RUNDC3B: variants seen among roughly 807,000 people sequenced by gnomAD.
RUNDC3B encodes the protein RUN domain containing 3B.
In RUNDC3B, 33 loss-of-function variants were observed where a neutral mutation model predicts 58.4. The observed-to-expected ratio is 0.56, with a 90% CI of 0.43 to 0.75. The LOEUF (loss-of-function observed/expected upper bound fraction) is 0.75. RUNDC3B is among the 30% of genes least tolerant of loss of function. The pLI is 0.00. For missense variants in RUNDC3B, 501 were observed against 535.7 expected, an observed-to-expected ratio of 0.94 and a Z score of 0.64; for synonymous variants, 193 against 195.2, an observed-to-expected ratio of 0.99 and a Z score of 0.10.
chr7:87,667,785 G>A (rs1563117245), intron 2 of RUNDC3B, among the ~76,000 whole-genome samples: 1 of 152,144 alleles, frequency 6.6e-6, no homozygotes, highest in East Asian at 1.9e-4. Flanking sequence ...GATGAATCAT[G>A]TTTATTGATT....
intron 2 of RUNDC3B, among the ~76,000 whole-genome samples, chr7:87,689,715 T>C (rs1410541686): frequency 6.6e-6 from 1 of 152,144 alleles, no homozygotes; most frequent in African/African-American, 2.4e-5. Context: ...TTCCTACATC[T>C]TTCTGATGTT....
intron 6 of RUNDC3B, among the ~76,000 whole-genome samples, chr7:87,761,059 A>G (rs1323280872): frequency 6.6e-6 from 1 of 151,982 alleles, no homozygotes; most frequent in Non-Finnish European, 1.5e-5. Flanking sequence ...CTGGGAGAAA[A>G]TTTTTGCAAA....
At chr7:87,789,206 T>C (rs1835396687) in intron 8 of RUNDC3B, among the ~76,000 whole-genome samples, 1 of 152,250 alleles carries the variant, frequency 6.6e-6, no homozygotes, top group African/African-American at 2.4e-5. Flanking sequence ...AATTGTTTTC[T>C]ATTTTGTTTT....
At chr7:87,712,721 G>A (rs1375935623) in intron 4 of RUNDC3B, among the ~76,000 whole-genome samples, 2 of 151,896 alleles carry the variant, frequency 1.3e-5, no homozygotes, top group Non-Finnish European at 2.9e-5. Context: ...AAATGATTCA[G>A]CTCTAAAAAA....
Position 87,710,590 on chromosome 7 carries a change from A to G in RUNDC3B, c.393A>G (p.Val131=). ...TTTAGGGTAGAGCCTGGATCAGAGT[A>G]GCACTCATGGAAAAACATTTATCTG... ...SRAKGRAWIR[V]ALMEKHLSEY... is the part of the protein sequence containing the mutation. The change falls in exon 4 of 11, where the codon GTA becomes GTG. Residue 131 remains valine, a synonymous_variant. Transcript: ENST00000394654. 1 of 1,597,172 alleles carries G rather than the reference A, an allele frequency of 6.3e-7. No individual in the cohort carries two copies. The highest frequency in any genetic ancestry group is 1.1e-5 in the South Asian group (1 of 89,414).
intron 2 of RUNDC3B, among the ~76,000 whole-genome samples, chr7:87,670,854 T>C (rs1033975795): frequency 6.6e-6 from 1 of 152,214 alleles, no homozygotes; most frequent in African/African-American, 2.4e-5. Flanking sequence ...TTCCTCACAA[T>C]TGCAGCTGTG....
At chr7:87,682,857 C>A (rs1351847569) in intron 2 of RUNDC3B, among the ~76,000 whole-genome samples, 1 of 152,176 alleles carries the variant, frequency 6.6e-6, no homozygotes, top group Non-Finnish European at 1.5e-5. Context: ...TCCTTTGAAG[C>A]GTTAAAGCCA....
intron 3 of RUNDC3B, among the ~76,000 whole-genome samples, chr7:87,707,523 A>G (rs1435029449): frequency 6.6e-6 from 1 of 151,834 alleles, no homozygotes; most frequent in Non-Finnish European, 1.5e-5. Context: ...AAAATACAAA[A>G]ATTAGCCAGG....
At chr7:87,655,468 A>G (rs936364307) in intron 2 of RUNDC3B, among the ~76,000 whole-genome samples, 1 of 152,160 alleles carries the variant, frequency 6.6e-6, no homozygotes, top group African/African-American at 2.4e-5. Context: ...TAAACCAGAC[A>G]CTTAAAGACA....
chr7:87,815,505 A>G (rs1836979033), intron 9 of RUNDC3B, among the ~76,000 whole-genome samples: 2 of 152,120 alleles, frequency 1.3e-5, no homozygotes, highest in Admixed American at 1.3e-4. Context: ...TCCATTTGTA[A>G]CTGAATTTAT....
chr7:87,723,641 G>A lies in RUNDC3B; in HGVS notation c.458+12986G>A, dbSNP rs1394624986. 2.0e-5 allele frequency among the ~76,000 whole-genome samples: 3 copies of A among 152,166 alleles called. No individual in the cohort carries two copies. In the East Asian group the frequency reaches 5.8e-4, roughly 29 times the overall value. ...ATGAGTAAAATTACACTGAATTGAA[G>A]GTAAAAGAGTTTAAATAATGTAATT... On this transcript the variant is annotated intron_variant, in intron 4 of 10. Transcript: ENST00000394654.
chr7:87,801,730 C>T (rs1028462238), intron 8 of RUNDC3B, among the ~76,000 whole-genome samples: 1 of 152,152 alleles, frequency 6.6e-6, no homozygotes, highest in Non-Finnish European at 1.5e-5. Flanking sequence ...GATTGTGCCA[C>T]TGCACTCCTG....
intron 10 of RUNDC3B, among the ~76,000 whole-genome samples, chr7:87,819,266 G>T (rs1321009158): frequency 6.6e-6 from 1 of 152,020 alleles, no homozygotes; most frequent in Admixed American, 6.6e-5. Flanking sequence ...AAGCACCCAG[G>T]GTACACCAAA....
At chr7:87,798,367 TATG>T (rs927508483) in intron 8 of RUNDC3B, among the ~76,000 whole-genome samples, 1 of 152,230 alleles carries the variant, frequency 6.6e-6, no homozygotes, top group African/African-American at 2.4e-5. Flanking sequence ...CCATTTTCTG[TATG>T]ATATTACAAA....
chr7:87,638,281 T>A (rs1426280085), intron 1 of RUNDC3B, among the ~76,000 whole-genome samples: 1 of 152,098 alleles, frequency 6.6e-6, no homozygotes, highest in Admixed American at 6.6e-5. Flanking sequence ...TTTCTTATAA[T>A]GTTCTTGTCT....
intron 2 of RUNDC3B, among the ~76,000 whole-genome samples, chr7:87,673,135 G>T (rs1280444034): frequency 1.3e-5 from 2 of 152,036 alleles, no homozygotes; most frequent in Non-Finnish European, 2.9e-5. Context: ...CTTTTGTTTT[G>T]CTGCCTTTAA....
At chr7:87,786,601 A>G (rs1363295096) in intron 8 of RUNDC3B, among the ~76,000 whole-genome samples, 1 of 151,988 alleles carries the variant, frequency 6.6e-6, no homozygotes, top group Non-Finnish European at 1.5e-5. Context: ...TAATTTTACA[A>G]TTAAAATATT....
intron 10 of RUNDC3B, among the ~76,000 whole-genome samples, chr7:87,822,848 T>G (rs1188303291): frequency 1.3e-5 from 2 of 151,892 alleles, no homozygotes; most frequent in Non-Finnish European, 2.9e-5. Flanking sequence ...TGAGAACACA[T>G]GGACACAAGA....
At chr7:87,773,247 C>T (rs1400844255) in intron 7 of RUNDC3B, among the ~76,000 whole-genome samples, 2 of 150,648 alleles carry the variant, frequency 1.3e-5, no homozygotes, top group Non-Finnish European at 2.9e-5. Flanking sequence ...GGCATGAACC[C>T]GCGAGGCGGA....
Sources: gnomAD v4.1 joint callset for allele counts (sites outside exome capture counted in the v4.1 genomes callset) on GRCh38, gnomAD v4.1.1 for gene constraint, MANE v1.5 for transcripts, NCBI Gene and HGNC (gene_info 2026-07-23, HGNC 2026-07-21) for gene names.